The following IL1RAPL2 variants were observed in gnomAD, a reference collection of about 807,000 sequenced individuals.
The protein encoded by IL1RAPL2 is interleukin 1 receptor accessory protein like 2, also known as X-linked interleukin-1 receptor accessory protein-like 2.
Under a neutral mutation model 44.1 loss-of-function variants are expected in IL1RAPL2, and 3 were observed. The ratio of observed to expected loss-of-function variants is 0.07; its 90% CI spans 0.03 to 0.18. The LOEUF is 0.18. IL1RAPL2 is among the 10% of genes least tolerant of loss of function. IL1RAPL2 has a pLI of 1.00. For synonymous variants in IL1RAPL2, 181 were observed against 178.8 expected (o/e 1.01, Z -0.10); for missense variants, 391 against 496.4 (o/e 0.79, Z 2.02).
chrX:105,425,373 G>A (rs1341319536), intron 5 of IL1RAPL2, among the ~76,000 whole-genome samples: 1 of 110,954 alleles, frequency 9.0e-6, no homozygotes, highest in Non-Finnish European at 1.9e-5. Flanking sequence ...GTAAAGTCAG[G>A]AAAAGGGAAA....
intron 3 of IL1RAPL2, chrX:105,219,652 G>C (rs190120031): frequency 1.7e-6 from 2 of 1,210,298 alleles, no homozygotes; most frequent in South Asian, 3.5e-5. Flanking sequence ...AGCAGCCACC[G>C]CCGCCTCTTC....
intron 6 of IL1RAPL2, among the ~76,000 whole-genome samples, chrX:105,691,986 AT>A (rs1351702217): frequency 1.3e-4 from 15 of 111,994 alleles, no homozygotes; most frequent in Non-Finnish European, 2.6e-4. Flanking sequence ...TGAAAAATAG[AT>A]TTCTACTGAA....
intron 1 of IL1RAPL2, among the ~76,000 whole-genome samples, chrX:104,621,292 T>G (rs1440354356): frequency 1.9e-5 from 2 of 107,977 alleles, no homozygotes; most frequent in Non-Finnish European, 3.8e-5. Context: ...AGAATATACA[T>G]ATATATGTGT....
intron 5 of IL1RAPL2, among the ~76,000 whole-genome samples, chrX:105,419,374 G>A (rs5962281): frequency 0.031 from 3,433 of 110,918 alleles, 140 homozygotes; most frequent in African/African-American, 0.1. Flanking sequence ...AGTAGCATTC[G>A]GTATAATAAG....
At chrX:105,643,914 CAG>C (rs1424316094) in intron 6 of IL1RAPL2, among the ~76,000 whole-genome samples, 25 of 111,286 alleles carry the variant, frequency 2.2e-4, no homozygotes, top group African/African-American at 7.5e-4. Flanking sequence ...ATTTTTGAGA[CAG>C]AGTCTCACTC....
chrX:105,056,349 C>T (rs1024289328), intron 2 of IL1RAPL2, among the ~76,000 whole-genome samples: 6 of 111,690 alleles, frequency 5.4e-5, no homozygotes, highest in Non-Finnish European at 1.1e-4. Context: ...GGACTTCTGA[C>T]AATTTTCAGC....
rs749780976 is a variant in IL1RAPL2 at position 104,654,444 on chromosome X, G to A, written c.-19-4451G>A. On this transcript the variant is annotated intron_variant, in intron 1 of 10. Transcript: ENST00000372582. ...GGAAGACAAAGTGCAAACACCGTGGGGAAAAAAAAATGCCTTGGCACATTC... is the reference window on the plus strand; with the variant it reads ...GGAAGACAAAGTGCAAACACCGTGGAGAAAAAAAAATGCCTTGGCACATTC... 3.6e-5 allele frequency among the ~76,000 whole-genome samples: 4 copies of A among 110,073 alleles called. No individual in the cohort carries two copies. The East Asian group carries it at 1.2e-3, about 32-fold the overall frequency.
At chrX:105,508,703 G>A (rs1409016573) in intron 6 of IL1RAPL2, among the ~76,000 whole-genome samples, 1 of 107,622 alleles carries the variant, frequency 9.3e-6, no homozygotes, top group Non-Finnish European at 1.9e-5. Context: ...TGAAAAGGAA[G>A]AAATGTGAAC....
chrX:104,951,394 C>T (rs970235555), intron 2 of IL1RAPL2, among the ~76,000 whole-genome samples: 16 of 111,803 alleles, frequency 1.4e-4, no homozygotes, highest in Non-Finnish European at 1.5e-4. Flanking sequence ...AATGTAAGAC[C>T]TAAAATTTTG....
At chrX:104,881,737 A>G (rs1455528420) in intron 2 of IL1RAPL2, among the ~76,000 whole-genome samples, 1 of 112,125 alleles carries the variant, frequency 8.9e-6, no homozygotes, top group East Asian at 2.8e-4. Flanking sequence ...GGGACACAAT[A>G]CAACCTGAGG....
intron 2 of IL1RAPL2, among the ~76,000 whole-genome samples, chrX:104,918,969 C>A (rs1602819495): frequency 9.0e-6 from 1 of 111,562 alleles, no homozygotes; most frequent in East Asian, 2.8e-4. Context: ...TTGAAAAGAA[C>A]CAAACTACTG....
intron 2 of IL1RAPL2, among the ~76,000 whole-genome samples, chrX:104,880,723 C>T (rs750990981): frequency 6.0e-4 from 67 of 112,271 alleles, no homozygotes; most frequent in African/African-American, 1.9e-3. Context: ...ATTCTTATCA[C>T]GCAAACTGTT....
chrX:104,616,091 T>A (rs1929271809), intron 1 of IL1RAPL2, among the ~76,000 whole-genome samples: 1 of 112,502 alleles, frequency 8.9e-6, no homozygotes, highest in African/African-American at 3.2e-5. Flanking sequence ...TAAAAAAATT[T>A]GTTTAAGTTC....
chrX:105,274,643 AAG>A (rs1186209183), intron 5 of IL1RAPL2, among the ~76,000 whole-genome samples: 2 of 112,183 alleles, frequency 1.8e-5, no homozygotes, highest in African/African-American at 6.5e-5. Flanking sequence ...AACCTGTGAA[AAG>A]AGAGTTATTC....
intron 1 of IL1RAPL2, among the ~76,000 whole-genome samples, chrX:104,643,644 G>A (rs1024323840): frequency 1.8e-5 from 2 of 111,225 alleles, no homozygotes; most frequent in African/African-American, 6.5e-5. Context: ...TGCTGAATAT[G>A]AGTTGTAGGG....
At chrX:105,670,119 ATATATATATATATATATATATAT>A (rs2037806893) in intron 6 of IL1RAPL2, among the ~76,000 whole-genome samples, 1 of 39,737 alleles carries the variant, frequency 2.5e-5, no homozygotes, top group African/African-American at 1.1e-4. Flanking sequence ...ATATATATAT[ATATATATATATATATATATATAT>A]ATATATCTCC....
chrX:105,139,999 G>A (rs2033112139), intron 2 of IL1RAPL2, among the ~76,000 whole-genome samples: 1 of 111,923 alleles, frequency 8.9e-6, no homozygotes, highest in Non-Finnish European at 1.9e-5. Context: ...GGTTCATTCA[G>A]TTACCATCAG....
At chrX:104,772,137 T>A (rs1054752908) in intron 2 of IL1RAPL2, among the ~76,000 whole-genome samples, 4 of 111,499 alleles carry the variant, frequency 3.6e-5, no homozygotes, top group Non-Finnish European at 7.5e-5. Context: ...TATGCACGGG[T>A]ATTCCTATGG....
intron 6 of IL1RAPL2, among the ~76,000 whole-genome samples, chrX:105,596,212 C>T (rs901262144): frequency 4.6e-5 from 5 of 109,019 alleles, no homozygotes; most frequent in African/African-American, 1.7e-4. Flanking sequence ...TATTCTTTTT[C>T]TAGTTCCTTG....
Sources: gnomAD v4.1 joint callset for allele counts (sites outside exome capture counted in the v4.1 genomes callset) on GRCh38, gnomAD v4.1.1 for gene constraint, MANE v1.5 for transcripts, NCBI Gene and HGNC (gene_info 2026-07-23, HGNC 2026-07-21) for gene names.